Variants in LRP2BP observed in about 807,000 individuals in gnomAD.
The protein encoded by LRP2BP is LRP2 binding protein.
A neutral mutation model predicts 45.2 loss-of-function variants in LRP2BP; 38 were observed. The ratio of observed to expected loss-of-function variants is 0.84; its 90% CI spans 0.65 to 1.10. The LOEUF is 1.10. LRP2BP is among the 50% of genes least tolerant of loss of function. LRP2BP has a pLI of 0.00. For missense variants in LRP2BP, 385 were observed against 418.9 expected, an observed-to-expected ratio of 0.92 and a Z score of 0.71; for synonymous variants, 153 against 153.9, an observed-to-expected ratio of 0.99 and a Z score of 0.04.
intron 1 of LRP2BP, 44 bp downstream of exon 1, chr4:185,394,735 C>T: frequency 1.4e-5 from 14 of 984,948 alleles, no homozygotes; most frequent in Non-Finnish European, 1.7e-5. Flanking sequence ...ACTCTTACTA[C>T]TCAAGATTCA....
Position 185,364,424 on chromosome 4 carries a change from CCT to C in LRP2BP, c.*2754_*2755del. 6.6e-6 allele frequency: 1 copy of C among 152,064 alleles called. No homozygotes were observed. The highest frequency in any genetic ancestry group is 1.9e-4 in the East Asian group (1 of 5,200). The allele number at this position is 152,064 out of a possible 1,614,324, so 9.4% of individuals were successfully genotyped here. On this transcript the variant is annotated 3_prime_UTR_variant, in exon 9 of 9. Coordinates refer to ENST00000505916, the MANE Select transcript of LRP2BP (RefSeq NM_001377440.1). ...ATTATGCAGTAATAAAATACCTTCC[CCT>C]GTCTAATCCCCAAGAATATTGAAAA... is the stretch of plus-strand genomic sequence containing the variant.
chr4:185,386,527 G>A (rs1203895302), intron 1 of LRP2BP, among the ~76,000 whole-genome samples: 1 of 152,192 alleles, frequency 6.6e-6, no homozygotes, highest in Non-Finnish European at 1.5e-5. Flanking sequence ...AAAAGGCTGG[G>A]CTCCAGCCTA....
At chr4:185,378,597 A>G (rs903688697) in intron 1 of LRP2BP, 11 of 996,006 alleles carry the variant, frequency 1.1e-5, no homozygotes, top group Non-Finnish European at 1.2e-5. Context: ...TGTAACTGAC[A>G]CTCATCGGAC....
rs534645777 is a variant in LRP2BP, at chr4:185,394,648, T to G, written c.-22+131A>C. The stretch of plus-strand genomic sequence containing the variant: ...ATCACACACTGCCCCCAGACTGAAC[T>G]ACATATAGTGCTCTCAATACTGGAA... On this transcript the variant is annotated intron_variant, in intron 1 of 8. Transcript: ENST00000505916. The G allele has an allele frequency of 6.7e-6, 4 of 599,906 alleles. No homozygotes were observed. The African/African-American group carries it at 8.0e-5, about 12-fold the overall frequency. The allele number at this position is 599,906 out of a possible 1,614,324, so 37.2% of individuals were successfully genotyped here. A position where few individuals can be genotyped will look rare whatever the true frequency, so the allele number is the denominator to read the frequency against.
At chr4:185,387,985 G>A (rs915332789) in intron 1 of LRP2BP, among the ~76,000 whole-genome samples, 2 of 152,296 alleles carry the variant, frequency 1.3e-5, no homozygotes, top group Admixed American at 6.5e-5. Flanking sequence ...ACGAGCCCTC[G>A]ACAGGAAAAG....
At chr4:185,377,079 T>A in intron 2 of LRP2BP, 61 bp from the exon 3 acceptor site, 2 of 1,155,964 alleles carry the variant, frequency 1.7e-6, no homozygotes, top group Non-Finnish European at 2.6e-6. Flanking sequence ...TCTCTTGAAG[T>A]AATGAATCAT....
intron 3 of LRP2BP, 121 bp downstream of exon 3, chr4:185,376,788 T>G (rs960329770): frequency 4.4e-5 from 29 of 664,714 alleles, no homozygotes; most frequent in Non-Finnish European, 7.6e-5. Flanking sequence ...ACAGCCATAG[T>G]CGATGTAATT....
Position 185,395,168 on chromosome 4 carries a change from ATTTCC to A in LRP2BP, c.-416_-412del. ...GAGAAAAGCTGTAACGACTCCCCAAATTTCCTTTCCTTATGAAATTTACGTATGTA... is the reference window on the plus strand; with the variant it reads ...GAGAAAAGCTGTAACGACTCCCCAAATTTCCTTATGAAATTTACGTATGTA... On this transcript the variant is annotated 5_prime_UTR_variant, in exon 1 of 9. Transcript: ENST00000505916. The A allele has an allele frequency of 2.0e-6, 2 of 985,396 alleles. No homozygotes were observed. The highest frequency in any genetic ancestry group is 4.7e-5 in the South Asian group (1 of 21,286). The allele number at this position is 985,396 out of a possible 1,614,324, so 61.0% of individuals were successfully genotyped here.
intron 1 of LRP2BP, among the ~76,000 whole-genome samples, chr4:185,388,231 C>G (rs1473763679): frequency 6.6e-6 from 1 of 152,158 alleles, no homozygotes; most frequent in African/African-American, 2.4e-5. Flanking sequence ...GTGAGAGCAG[C>G]GCAGTGGTCT....
chr4:185,370,780 T>A lies in LRP2BP; in HGVS notation c.838A>T (p.Met280Leu). 6.2e-7 allele frequency: 1 copy of A among 1,614,084 alleles called. No homozygotes were observed. Among genetic ancestry groups the A allele is most frequent in the Non-Finnish European group, 8.5e-7 (1 of 1,180,002 alleles). ...AGACAGTCTGTGACCTGGGCGATCATGGGGATGTCGTGAACCTCATCATAG... is the reference window on the plus strand; with the variant it reads ...AGACAGTCTGTGACCTGGGCGATCAAGGGGATGTCGTGAACCTCATCATAG... ...ADYDEVHDIPMIAQVTDCLPE... is the reference protein window; with the variant it reads ...ADYDEVHDIPLIAQVTDCLPE... Residue 280 changes from methionine to leucine, a missense_variant, in exon 8 of 9, where the codon ATG becomes TTG. Physicochemically the swap from Met to Leu is conservative, Grantham distance 15 (BLOSUM62 2). Coordinates refer to ENST00000505916, the MANE Select transcript of LRP2BP (RefSeq NM_001377440.1).
At chr4:185,393,908 C>G (rs914316603) in intron 1 of LRP2BP, among the ~76,000 whole-genome samples, 1 of 152,186 alleles carries the variant, frequency 6.6e-6, no homozygotes, top group Non-Finnish European at 1.5e-5. Context: ...GCTACACTGA[C>G]AGTCATTATT....
chr4:185,390,233 G>A lies in LRP2BP; in HGVS notation c.-22+4546C>T, dbSNP rs75682463. ...AGTTACATAATATTTAATTGAGGCC[G>A]GGCAGGGTGGCTCACGCCTGTAATC... is the stretch of plus-strand genomic sequence containing the variant. On this transcript the variant is annotated intron_variant, in intron 1 of 8. Transcript: ENST00000505916. Among the ~76,000 whole-genome samples the A allele has an allele frequency of 7.6e-3, 1,150 of 152,232 alleles. 17 individuals are homozygous for A. Among genetic ancestry groups the A allele is most frequent in the South Asian group, 0.054 (258 of 4,818 alleles).
chr4:185,391,161 T>G (rs1454558432), intron 1 of LRP2BP, among the ~76,000 whole-genome samples: 2 of 152,206 alleles, frequency 1.3e-5, no homozygotes, highest in African/African-American at 2.4e-5. Flanking sequence ...CAATCAACAT[T>G]CATCTGTTTT....
intron 2 of LRP2BP, chr4:185,377,541 A>C (rs548187850): frequency 0.023 from 3,810 of 166,238 alleles, 149 homozygotes; most frequent in African/African-American, 0.083. Context: ...ACAACAACAA[A>C]CAATACTTGT....
intron 1 of LRP2BP, among the ~76,000 whole-genome samples, chr4:185,385,905 A>AGGC (rs369541635): frequency 1.1e-4 from 4 of 34,920 alleles, no homozygotes; most frequent in Middle Eastern, 0.015. Flanking sequence ...TGTCTCGGGG[A>AGGC]GGGGGGGGGG....
intron 8 of LRP2BP, chr4:185,369,925 C>T (rs1428177350): frequency 3.4e-6 from 1 of 293,242 alleles, no homozygotes; most frequent in African/African-American, 2.2e-5. Context: ...CTCCCCCACT[C>T]AGGCTGAACA....
chr4:185,392,616 TA>T (rs57672293), intron 1 of LRP2BP, among the ~76,000 whole-genome samples: 6 of 152,100 alleles, frequency 3.9e-5, no homozygotes, highest in East Asian at 1.9e-4. Flanking sequence ...AAAAAAAACT[TA>T]AAAAAAATCT....
chr4:185,396,603 T>C (rs1219716107), upstream of LRP2BP: 5 of 387,904 alleles, frequency 1.3e-5, no homozygotes, highest in Non-Finnish European at 1.9e-5. Context: ...TGGGAGGGCC[T>C]GACGCATCCA....
chr4:185,389,424 C>T (rs1267630895), intron 1 of LRP2BP, among the ~76,000 whole-genome samples: 1 of 150,376 alleles, frequency 6.6e-6, no homozygotes, highest in East Asian at 2.0e-4. Context: ...GTTGGCCAGA[C>T]TCGTCTTGAA....
Sources: allele counts gnomAD v4.1 joint callset (sites outside exome capture counted in the v4.1 genomes callset), GRCh38; gene constraint gnomAD v4.1.1; transcripts MANE v1.5; gene names NCBI Gene and HGNC (gene_info 2026-07-23, HGNC 2026-07-21).